Variants in SLC17A5 observed in about 807,000 individuals in gnomAD.
SLC17A5 encodes the protein solute carrier family 17 member 5, also known as sialin.
A neutral mutation model predicts 59.4 loss-of-function variants in SLC17A5; 47 were observed. The observed-to-expected ratio is 0.79, with a 90% CI of 0.63 to 1.01. The LOEUF (loss-of-function observed/expected upper bound fraction) is 1.01. SLC17A5 is among the 50% of genes least tolerant of loss of function. The probability of loss-of-function intolerance (pLI) is 0.00; values close to 1 mark genes in which losing one functional copy is unlikely to be tolerated. For synonymous variants in SLC17A5, 202 were observed against 210.7 expected (o/e 0.96, Z 0.36); for missense variants, 522 against 595.5 (o/e 0.88, Z 1.28).
At chr6:73,616,074 C>T (rs1008567792) in intron 7 of SLC17A5, among the ~76,000 whole-genome samples, 2 of 151,846 alleles carry the variant, frequency 1.3e-5, no homozygotes, top group Admixed American at 6.6e-5. Context: ...TTATTAGAGA[C>T]GGAGTTTCAC....
chr6:73,600,966 C>G (rs954803114), intron 9 of SLC17A5, among the ~76,000 whole-genome samples: 17 of 152,204 alleles, frequency 1.1e-4, no homozygotes, highest in Non-Finnish European at 2.5e-4. Flanking sequence ...GGCCGCCACC[C>G]CGTCTGGGAA....
At chr6:73,635,354 T>A in intron 6 of SLC17A5, 28 bp downstream of exon 6, 2 of 1,266,720 alleles carry the variant, frequency 1.6e-6, no homozygotes, top group Non-Finnish European at 2.3e-6. Context: ...TTTCTGACAT[T>A]ATTTTTAAAA....
intron 6 of SLC17A5, among the ~76,000 whole-genome samples, chr6:73,632,787 C>A (rs9446962): frequency 0.16 from 23,692 of 151,540 alleles, 3,039 homozygotes; most frequent in African/African-American, 0.32. Context: ...AAAGTTTTAT[C>A]AGTTCTGGAA....
chr6:73,613,955 TAAAG>T (rs1767741285), intron 8 of SLC17A5, among the ~76,000 whole-genome samples: 1 of 151,236 alleles, frequency 6.6e-6, no homozygotes, highest in Admixed American at 6.6e-5. Flanking sequence ...CTTGTCCCAT[TAAAG>T]AAAGAAATTA....
At chr6:73,635,215 T>C (rs1768939581) in intron 6 of SLC17A5, 167 bp downstream of exon 6, 1 of 527,478 alleles carries the variant, frequency 1.9e-6, no homozygotes, top group Non-Finnish European at 3.4e-6. Context: ...ATTACAAGTG[T>C]GAGCCACTGC....
At chr6:73,636,007 G>A (rs1259378491) in intron 5 of SLC17A5, among the ~76,000 whole-genome samples, 2 of 152,028 alleles carry the variant, frequency 1.3e-5, no homozygotes, top group Non-Finnish European at 2.9e-5. Flanking sequence ...CCAAAGTGCT[G>A]GGATTACAGG....
rs1768035273 is a variant in SLC17A5 at position 73,619,451 on chromosome 6, G to T, written c.978+2353C>A. On this transcript the variant is annotated intron_variant, in intron 7 of 10. Transcript: ENST00000355773. ...GCCTGTAATCCCAACACTTTGGGAG[G>T]CTGAGGCAGGAGGATCATTTGAGCT... Among the ~76,000 whole-genome samples, 3 of 152,142 alleles carry T rather than the reference G, an allele frequency of 2.0e-5. No individual in the cohort carries two copies. In the South Asian group the frequency reaches 6.2e-4, roughly 31 times the overall value.
At chr6:73,623,805 C>T (rs909356147) in intron 6 of SLC17A5, among the ~76,000 whole-genome samples, 1 of 151,686 alleles carries the variant, frequency 6.6e-6, no homozygotes, top group Non-Finnish European at 1.5e-5. Context: ...TCAAGTGATT[C>T]TCCTGCCTCA....
At position 73,593,484 on chromosome 6, in the gene SLC17A5, CACATT is replaced by C. The variant is rs1367399955; in HGVS notation, c.*1588_*1592del. ...TAAATGTACATAAATGTATTCACAT[CACATT>C]AAACAGTTTTAAAATATTACACGTA... On this transcript the variant is annotated 3_prime_UTR_variant, in exon 11 of 11. Transcript: ENST00000355773. The C allele has an allele frequency of 7.9e-5, 12 of 152,220 alleles. No homozygotes were observed. The highest frequency in any genetic ancestry group is 1.6e-4 in the Non-Finnish European group (11 of 68,040). The allele number at this position is 152,220 out of a possible 1,614,324, so 9.4% of individuals were successfully genotyped here.
chr6:73,642,673 A>T (rs1769339958), intron 2 of SLC17A5, among the ~76,000 whole-genome samples: 1 of 152,220 alleles, frequency 6.6e-6, no homozygotes, highest in Admixed American at 6.5e-5. Context: ...ATGAAGATTT[A>T]GTGACTGATC....
At chr6:73,613,930 G>C (rs1258311692) in intron 8 of SLC17A5, among the ~76,000 whole-genome samples, 1 of 151,766 alleles carries the variant, frequency 6.6e-6, no homozygotes, top group African/African-American at 2.4e-5. Flanking sequence ...GCCAATGTGG[G>C]CAATAAAGCG....
chr6:73,646,366 C>T (rs1769563821), intron 1 of SLC17A5, among the ~76,000 whole-genome samples: 1 of 152,138 alleles, frequency 6.6e-6, no homozygotes, highest in Admixed American at 6.5e-5. Flanking sequence ...TTTCTGTATG[C>T]CCTCCTATGT....
intron 6 of SLC17A5, among the ~76,000 whole-genome samples, chr6:73,631,691 C>T (rs564598504): frequency 2.0e-5 from 3 of 151,982 alleles, no homozygotes; most frequent in East Asian, 3.9e-4. Context: ...TGAGGACTGC[C>T]ACCTTCTCTG....
intron 10 of SLC17A5, among the ~76,000 whole-genome samples, chr6:73,596,635 T>A (rs1050997990): frequency 6.6e-6 from 1 of 151,946 alleles, no homozygotes; most frequent in Non-Finnish European, 1.5e-5. Context: ...GGCGGGCGGA[T>A]CATGAGGTCA....
rs1338327549 is a variant in SLC17A5, at chr6:73,595,173, A to T, written c.1392T>A (p.Ala464=). The T allele has an allele frequency of 6.2e-7, 1 of 1,614,182 alleles. No homozygotes were observed. Among genetic ancestry groups the T allele is most frequent in the Admixed American group, 1.7e-5 (1 of 60,018 alleles). Residue 464 remains alanine (A), a synonymous_variant, in exon 11 of 11, where the codon GCT becomes GCA. Coordinates refer to ENST00000355773, the MANE Select transcript of SLC17A5 (RefSeq NM_012434.5). ...GEWQTVFYIA[A]AINVFGAIFF... is the part of the protein sequence containing the mutation. Reference sequence around the variant, plus strand: ...AAATGGCACCAAAAACATTAATAGCAGCAGCAATATAGAACACGGTTTGCC... The same window carrying T: ...AAATGGCACCAAAAACATTAATAGCTGCAGCAATATAGAACACGGTTTGCC...
chr6:73,637,710 C>G (rs1482332406), intron 4 of SLC17A5, among the ~76,000 whole-genome samples: 1 of 152,092 alleles, frequency 6.6e-6, no homozygotes, highest in African/African-American at 2.4e-5. Flanking sequence ...AAATGCTCTT[C>G]TCCCTGCATG....
Position 73,594,938 on chromosome 6 carries a change from T to C in SLC17A5, c.*139A>G. 2.3e-6 allele frequency: 2 copies of C among 873,160 alleles called. No individual in the cohort carries two copies. The highest frequency in any genetic ancestry group is 2.9e-5 in the South Asian group (2 of 68,028). 54.1% of individuals were successfully genotyped at this position (873,160 alleles called of 1,614,324 possible). A position where few individuals can be genotyped will look rare whatever the true frequency, so the allele number is the denominator to read the frequency against. The stretch of plus-strand genomic sequence containing the variant: ...TATTATTCTGGCAACTAGTGATATT[T>C]CATGATTATAGGCCTTAAAAATCTA... On this transcript the variant is annotated 3_prime_UTR_variant, in exon 11 of 11. Coordinates refer to ENST00000355773, the MANE Select transcript of SLC17A5 (RefSeq NM_012434.5).
At chr6:73,621,348 G>A (rs1357344422) in intron 7 of SLC17A5, among the ~76,000 whole-genome samples, 2 of 151,998 alleles carry the variant, frequency 1.3e-5, no homozygotes, top group Non-Finnish European at 2.9e-5. Context: ...CATGTTGCCC[G>A]GTCTGGTCTC....
intron 1 of SLC17A5, among the ~76,000 whole-genome samples, chr6:73,651,614 C>T (rs993333452): frequency 1.3e-5 from 2 of 151,514 alleles, no homozygotes; most frequent in African/African-American, 4.9e-5. Flanking sequence ...GTGATCTCGG[C>T]TCACTGCAAG....
Sources: gnomAD v4.1 joint callset for allele counts (sites outside exome capture counted in the v4.1 genomes callset) on GRCh38, gnomAD v4.1.1 for gene constraint, MANE v1.5 for transcripts, NCBI Gene and HGNC (gene_info 2026-07-23, HGNC 2026-07-21) for gene names.